The following ASB14 variants were observed in gnomAD, a reference collection of about 807,000 sequenced individuals.
The protein encoded by ASB14 is ankyrin repeat and SOCS box protein 14.
ASB14 carries 63 observed loss-of-function variants against 55.6 expected under a neutral mutation model. The ratio of observed to expected loss-of-function variants is 1.13; its 90% CI spans 0.92 to 1.40. ASB14 has a LOEUF of 1.40. Among genes scored for constraint, ASB14 ranks in the 40% most tolerant of loss-of-function variants. The pLI, the probability that ASB14 is intolerant of heterozygous loss-of-function variation, is 0.00. For missense variants in ASB14, 724 were observed against 710.4 expected (o/e 1.02, Z -0.22); for synonymous variants, 256 against 259.9 (o/e 0.98, Z 0.15).
intron 10 of ASB14, among the ~76,000 whole-genome samples, chr3:57,276,050 G>A (rs1038429896): frequency 6.6e-6 from 1 of 152,132 alleles, no homozygotes. Flanking sequence ...AGATAAGGGA[G>A]ACTACTGTAT....
chr3:57,276,823 TGC>T (rs2060992689), intron 9 of ASB14, 95 bp from the exon 10 acceptor site: 4 of 1,209,716 alleles, frequency 3.3e-6, no homozygotes, highest in Non-Finnish European at 4.6e-6. Flanking sequence ...GCATTTCATT[TGC>T]TGTTACTAAA....
rs1366823868 is a variant in ASB14 at position 57,276,645 on chromosome 3, T to C, written c.1669A>G (p.Met557Val). The change falls in exon 10 of 11, where the codon ATG becomes GTG. Residue 557 changes from methionine (M) to valine (V), a missense_variant. By Grantham distance (21) the Met-to-Val change is conservative. Coordinates refer to ENST00000487349, the MANE Select transcript of ASB14 (RefSeq NM_001142733.3). ...GRLHLRCPVF[M>V]SFLPLPNRLK... ...CGATTGGGTAATGGAAGAAATGACA[T>C]GAAGACAGGGCAGCGCAAATGTAAC... The C allele has an allele frequency of 1.2e-6, 2 of 1,613,986 alleles. No individual in the cohort carries two copies. The highest frequency in any genetic ancestry group is 2.2e-5 in the East Asian group (1 of 44,876).
In ASB14 at chr3:57,278,939, A is replaced by G; in HGVS notation, c.888-19T>C. ...TAGAGCTCTGAGAAAGAATTTCAAA[A>G]TGCATTTCAACATTGTTTTTAAGAT... On this transcript the variant is annotated intron_variant, in intron 7 of 10. Coordinates refer to ENST00000487349, the MANE Select transcript of ASB14 (RefSeq NM_001142733.3). 6.2e-7 allele frequency: 1 copy of G among 1,602,848 alleles called. No individual in the cohort carries two copies. The highest frequency in any genetic ancestry group is 1.1e-5 in the South Asian group (1 of 90,664).
At chr3:57,283,462 G>A (rs749167536) in intron 5 of ASB14, 23 bp from the exon 6 acceptor site, 2 of 1,546,384 alleles carry the variant, frequency 1.3e-6, no homozygotes, top group South Asian at 1.2e-5. Context: ...AAGTGTGGTG[G>A]GCATGTTCAA....
chr3:57,274,701 A>G (rs1258965092), intron 10 of ASB14, among the ~76,000 whole-genome samples: 3 of 152,156 alleles, frequency 2.0e-5, no homozygotes, highest in Non-Finnish European at 4.4e-5. Context: ...AAAGGAACCT[A>G]TACTTACATG....
chr3:57,276,385 A>C (rs2060986987), intron 10 of ASB14, 143 bp downstream of exon 10: 1 of 592,118 alleles, frequency 1.7e-6, no homozygotes, highest in Non-Finnish European at 2.8e-6. Flanking sequence ...TCCCAAGGTG[A>C]AGCAATCCTC....
In ASB14 at chr3:57,289,054, A is replaced by T. The variant is rs1439763205; in HGVS notation, c.178+14T>A. 1 of 1,495,064 alleles carries T rather than the reference A, an allele frequency of 6.7e-7. No homozygotes were observed. The highest frequency in any genetic ancestry group is 1.2e-5 in the South Asian group (1 of 83,106). 92.6% of individuals were successfully genotyped at this position (1,495,064 alleles called of 1,614,324 possible). ...CACATCTTACCACAAGTTAAAGGGG[A>T]TAGGAGTACTTAACTTTCTCTATTG... On this transcript the variant is annotated intron_variant, in intron 3 of 10. Transcript: ENST00000487349.
At chr3:57,285,132 G>T (rs1201613133) in intron 5 of ASB14, among the ~76,000 whole-genome samples, 1 of 151,824 alleles carries the variant, frequency 6.6e-6, no homozygotes, top group African/African-American at 2.4e-5. Flanking sequence ...GTAGAGACAG[G>T]GTTTCACCAT....
At chr3:57,274,421 G>A (rs2060970770) in intron 10 of ASB14, among the ~76,000 whole-genome samples, 1 of 152,170 alleles carries the variant, frequency 6.6e-6, no homozygotes, top group Admixed American at 6.5e-5. Context: ...ACTGGCTCAT[G>A]CCTGTAATCC....
At chr3:57,280,232 T>A in intron 7 of ASB14, 70 bp downstream of exon 7, 1 of 969,282 alleles carries the variant, frequency 1.0e-6, no homozygotes, top group Non-Finnish European at 1.4e-6. Flanking sequence ...ATAAAGTTCC[T>A]AGAAGCAGCA....
rs13059664 is a variant in ASB14 at position 57,283,691 on chromosome 3, C to G, written c.470-252G>C. ...ATTCATTGCTTATGTGGTTGAAACACAAATGTAAACTTTTCACTTATCTTT... is the reference window on the plus strand; with the variant it reads ...ATTCATTGCTTATGTGGTTGAAACAGAAATGTAAACTTTTCACTTATCTTT... On this transcript the variant is annotated intron_variant, in intron 5 of 10. Transcript: ENST00000487349. 6.6e-3 allele frequency among the ~76,000 whole-genome samples: 1,010 copies of G among 152,110 alleles called. 3 individuals carry two copies. Among genetic ancestry groups the G allele is most frequent in the Non-Finnish European group, 0.01 (699 of 67,964 alleles).
intron 10 of ASB14, 45 bp from the exon 11 acceptor site, chr3:57,269,663 AAAG>A (rs755386329): frequency 5.0e-6 from 8 of 1,613,940 alleles, no homozygotes; most frequent in Non-Finnish European, 6.8e-6. Context: ...GAGAAGGAGG[AAAG>A]AAGAGAGAAT....
intron 2 of ASB14, among the ~76,000 whole-genome samples, chr3:57,291,282 C>A (rs1171806816): frequency 6.6e-6 from 1 of 152,194 alleles, no homozygotes; most frequent in African/African-American, 2.4e-5. Context: ...CCCAAGTAAA[C>A]TGGGTTATCA....
Position 57,276,532 on chromosome 3 carries a change from T to A in ASB14, c.*18A>T, listed in dbSNP as rs1166363990. 2.5e-6 allele frequency: 4 copies of A among 1,583,512 alleles called. No homozygotes were observed. The African/African-American group carries it at 5.4e-5, about 21-fold the overall frequency. On this transcript the variant is annotated 3_prime_UTR_variant, in exon 10 of 11. Coordinates refer to ENST00000487349, the MANE Select transcript of ASB14 (RefSeq NM_001142733.3). Reference sequence around the variant, plus strand: ...AATACAGCTGCAAAATTATACCTTTTCCATTAGAATGGTTTGATTACCAGG... The same window carrying A: ...AATACAGCTGCAAAATTATACCTTTACCATTAGAATGGTTTGATTACCAGG...
intron 10 of ASB14, chr3:57,270,609 TTAAAG>T (rs1391645121): frequency 3.9e-5 from 6 of 152,650 alleles, no homozygotes; most frequent in Non-Finnish European, 8.8e-5. Flanking sequence ...TGTTTCATGC[TTAAAG>T]TAAAAATTCC....
At chr3:57,284,094 A>ATGTATGTGTGTG (rs1553640084) in intron 5 of ASB14, among the ~76,000 whole-genome samples, 2 of 136,488 alleles carry the variant, frequency 1.5e-5, no homozygotes, top group Non-Finnish European at 3.1e-5. Context: ...AACACTGTGT[A>ATGTATGTGTGTG]TGTGTGTGTG....
rs1362864190 is a variant in ASB14, at chr3:57,277,797, CCT to C, written c.1553_1554del (p.Gln518ArgfsTer75). 3.7e-6 allele frequency: 6 copies of C among 1,612,322 alleles called. No homozygotes were observed. The highest frequency in any genetic ancestry group is 1.7e-5 in the Admixed American group (1 of 59,566). ...ATAAAATGTATTTCTGACCAGATCC[CCT>C]GTTTTTGGAGCACAGCTTTCAACTT... ...CSKLKAVLQK[Q>X]GIWSEIHFIL... On this transcript the variant is annotated frameshift_variant, in exon 9 of 11. Transcript: ENST00000487349. LOFTEE classifies it high-confidence loss of function.
chr3:57,274,698 C>A (rs1256004965), intron 10 of ASB14, among the ~76,000 whole-genome samples: 1 of 151,972 alleles, frequency 6.6e-6, no homozygotes, highest in Non-Finnish European at 1.5e-5. Context: ...GAAAAAGGAA[C>A]CTATACTTAC....
In ASB14 at chr3:57,280,449, G is replaced by C; in HGVS notation, c.740C>G (p.Ser247Cys). 6.4e-7 allele frequency: 1 copy of C among 1,551,276 alleles called. No homozygotes were observed. The highest frequency in any genetic ancestry group is 2.4e-5 in the East Asian group (1 of 40,918). The change falls in exon 7 of 11, where the codon TCT becomes TGT. Residue 247 changes from serine to cysteine, a missense_variant. Physicochemically the swap from Ser to Cys is moderately radical, Grantham distance 112. Transcript: ENST00000487349. ...TTCAAGTAAGATGGAAGAAGAATCA[G>C]AGGCCTGACCATGAGCATTAGCTCC... ...RKGANAHGQA[S>C]DSSSILLEAA...
Sources: gnomAD v4.1 joint callset for allele counts (sites outside exome capture counted in the v4.1 genomes callset) on GRCh38, gnomAD v4.1.1 for gene constraint, MANE v1.5 for transcripts, NCBI Gene and HGNC (gene_info 2026-07-23, HGNC 2026-07-21) for gene names.